Variants in SV2C observed in about 807,000 individuals in gnomAD.
SV2C encodes the protein solute carrier family 22 member B3.
SV2C carries 49 observed loss-of-function variants against 79.7 expected under a neutral mutation model. That is an observed-to-expected ratio of 0.61 (90% CI 0.49 to 0.78). SV2C has a LOEUF of 0.78. Ranked by LOEUF, SV2C falls within the 30% of genes least tolerant of loss-of-function variation. SV2C has a pLI of 0.00. For synonymous variants in SV2C, 334 were observed against 333.2 expected (o/e 1.00, Z -0.03); for missense variants, 833 against 912.9 (o/e 0.91, Z 1.13).
the SV2C span, among the ~76,000 whole-genome samples, chr5:76,012,989 G>T: frequency 6.6e-6 from 1 of 152,186 alleles, no homozygotes; most frequent in Non-Finnish European, 1.5e-5. Context: ...CCAGTACCAT[G>T]CTGTTTTGGT....
downstream of SV2C, among the ~76,000 whole-genome samples, chr5:76,334,855 G>A (rs549602612): frequency 6.6e-6 from 1 of 152,202 alleles, no homozygotes; most frequent in South Asian, 2.1e-4. Context: ...AGCTGTAAGG[G>A]GCCCAGTCTC....
intron 4 of SV2C, among the ~76,000 whole-genome samples, chr5:76,254,626 AGATTTCAAAAATCTTAAT>A (rs1746214278): frequency 6.6e-6 from 1 of 152,242 alleles, no homozygotes; most frequent in African/African-American, 2.4e-5. Flanking sequence ...ACCATAATTC[AGATTTCAAAAATCTTAAT>A]GAATGAAGCT....
the SV2C span, among the ~76,000 whole-genome samples, chr5:75,935,756 A>G: frequency 6.6e-6 from 1 of 152,172 alleles, no homozygotes; most frequent in Non-Finnish European, 1.5e-5. Flanking sequence ...GATCAGAGAG[A>G]TTGTTATTAG....
chr5:75,946,255 G>A, the SV2C span, among the ~76,000 whole-genome samples: 1 of 152,054 alleles, frequency 6.6e-6, no homozygotes, highest in African/African-American at 2.4e-5. Context: ...ACAGTGTGAT[G>A]TATATGTAAG....
chr5:76,153,031 T>C (rs913740424), intron 2 of SV2C, among the ~76,000 whole-genome samples: 2 of 152,198 alleles, frequency 1.3e-5, no homozygotes, highest in African/African-American at 4.8e-5. Context: ...TGGATCACTC[T>C]GAAGCCTGAA....
intron 4 of SV2C, among the ~76,000 whole-genome samples, chr5:76,271,757 G>A (rs1354804943): frequency 1.3e-5 from 2 of 151,766 alleles, no homozygotes; most frequent in Admixed American, 6.6e-5. Context: ...GTGAGCCATC[G>A]CGCCCGGCGT....
At chr5:76,199,863 A>G (rs1028978368) in intron 3 of SV2C, among the ~76,000 whole-genome samples, 1 of 152,260 alleles carries the variant, frequency 6.6e-6, no homozygotes, top group Non-Finnish European at 1.5e-5. Context: ...GCTGCTTTAC[A>G]GACCCAGAAC....
rs1009169167 is a variant in SV2C at position 76,299,076 on chromosome 5, G to A, written c.1636+149G>A. 3.8e-6 allele frequency: 4 copies of A among 1,059,862 alleles called. No homozygotes were observed. In the Admixed American group the frequency reaches 9.6e-5, roughly 25 times the overall value. 65.7% of individuals were successfully genotyped at this position (1,059,862 alleles called of 1,614,324 possible). On this transcript the variant is annotated intron_variant, in intron 10 of 12. Transcript: ENST00000502798. Reference sequence around the variant, plus strand: ...GTTCTCTAAATCAGGTTGGATCAAAGGTTGGCTTGTATTGTTTGTCTTTGT... The same window carrying A: ...GTTCTCTAAATCAGGTTGGATCAAAAGTTGGCTTGTATTGTTTGTCTTTGT...
At chr5:76,144,629 C>A (rs769628661) in intron 2 of SV2C, among the ~76,000 whole-genome samples, 8 of 152,104 alleles carry the variant, frequency 5.3e-5, no homozygotes, top group Non-Finnish European at 8.8e-5. Flanking sequence ...CAGTGGGGAA[C>A]CTGAGGAGAT....
At chr5:75,931,289 C>T in the SV2C span, among the ~76,000 whole-genome samples, 15 of 152,262 alleles carry the variant, frequency 9.9e-5, no homozygotes, top group Admixed American at 2.6e-4. Context: ...GGAAATGCTC[C>T]GGAGAAGAAA....
the SV2C span, among the ~76,000 whole-genome samples, chr5:75,980,873 C>G: frequency 5.9e-5 from 9 of 152,066 alleles, no homozygotes; most frequent in African/African-American, 1.9e-4. Flanking sequence ...GGCAATCAGG[C>G]AAGAGAAAGA....
intron 12 of SV2C, among the ~76,000 whole-genome samples, chr5:76,303,496 A>G (rs190560239): frequency 1.1e-3 from 161 of 152,290 alleles, no homozygotes; most frequent in African/African-American, 3.8e-3. Context: ...AACCTCCTCA[A>G]TGTTAAAGCA....
the SV2C span, among the ~76,000 whole-genome samples, chr5:75,936,597 A>C: frequency 6.6e-6 from 1 of 152,210 alleles, no homozygotes; most frequent in South Asian, 2.1e-4. Context: ...CAGCTAACAG[A>C]TGCGTTACTT....
the SV2C span, among the ~76,000 whole-genome samples, chr5:76,004,436 A>G: frequency 6.6e-6 from 1 of 152,182 alleles, no homozygotes; most frequent in Non-Finnish European, 1.5e-5. Context: ...GATTATTGTC[A>G]GGATTAGAGG....
chr5:75,851,338 TAC>T, the SV2C span, among the ~76,000 whole-genome samples: 2,711 of 152,298 alleles, frequency 0.018, 84 homozygotes, highest in African/African-American at 0.059. Context: ...TGCTAGTAAA[TAC>T]AGAGTTCAAT....
intron 12 of SV2C, among the ~76,000 whole-genome samples, chr5:76,310,455 G>T (rs1237165571): frequency 6.6e-6 from 1 of 152,340 alleles, no homozygotes; most frequent in Middle Eastern, 3.4e-3. Context: ...GAGAGGCAAA[G>T]CTTGTCTGGC....
intron 2 of SV2C, chr5:76,173,954 C>A: frequency 1.3e-6 from 2 of 1,567,036 alleles, no homozygotes; most frequent in South Asian, 2.2e-5. Context: ...TAATGCAAAC[C>A]CTTGTCCATT....
intron 12 of SV2C, among the ~76,000 whole-genome samples, chr5:76,346,035 A>T (rs977433254): frequency 6.6e-6 from 1 of 152,220 alleles, no homozygotes; most frequent in Non-Finnish European, 1.5e-5. Flanking sequence ...GTAAGTATTT[A>T]ACAACGATCT....
At chr5:75,954,173 T>C in the SV2C span, among the ~76,000 whole-genome samples, 1 of 152,110 alleles carries the variant, frequency 6.6e-6, no homozygotes, top group African/African-American at 2.4e-5. Flanking sequence ...CACTGCCTTA[T>C]GCATTCTCTC....
Sources: allele counts gnomAD v4.1 joint callset (sites outside exome capture counted in the v4.1 genomes callset), GRCh38; gene constraint gnomAD v4.1.1; transcripts MANE v1.5; gene names NCBI Gene and HGNC (gene_info 2026-07-23, HGNC 2026-07-21).